DLC1: variants seen among roughly 807,000 people sequenced by gnomAD.
DLC1 encodes the protein rho GTPase-activating protein 7.
A neutral mutation model predicts 140.3 loss-of-function variants in DLC1; 54 were observed. That is an observed-to-expected ratio of 0.38 (90% CI 0.31 to 0.48). The LOEUF (loss-of-function observed/expected upper bound fraction) is 0.48, where lower values mean the gene tolerates loss of function less well. DLC1 is among the 20% of genes least tolerant of loss of function. The probability of loss-of-function intolerance (pLI) is 0.96; values close to 1 mark genes in which losing one functional copy is unlikely to be tolerated. For synonymous variants in DLC1, 986 were observed against 728.1 expected (o/e 1.35, Z -5.70); for missense variants, 2,536 against 1,907.0 (o/e 1.33, Z -6.14).
chr8:13,245,898 C>T (rs1422298842), intron 5 of DLC1, among the ~76,000 whole-genome samples: 2 of 152,008 alleles, frequency 1.3e-5, no homozygotes. Context: ...GATGCAGTTT[C>T]ACCATGTTGG....
At chr8:13,518,057 A>G (rs73210015), upstream of DLC1, among the ~76,000 whole-genome samples, 9,323 of 152,164 alleles carry the variant, frequency 0.061, 857 homozygotes, top group East Asian at 0.4. Context: ...GGAAAGAAGA[A>G]TAGCAGGAGG....
intron 10 of DLC1, chr8:13,095,869 C>T (rs1217991623): frequency 2.0e-5 from 3 of 152,446 alleles, no homozygotes; most frequent in South Asian, 4.1e-4. Flanking sequence ...CAGAGCTCAA[C>T]AGTGAATGAC....
chr8:13,415,460 C>T (rs1047840339), intron 2 of DLC1, among the ~76,000 whole-genome samples: 4 of 149,758 alleles, frequency 2.7e-5, no homozygotes, highest in African/African-American at 7.4e-5. Context: ...AGTGTAGTAG[C>T]GCGACCATGG....
At chr8:13,103,839 CAAAAAAAAA>C (rs1002564334) in intron 7 of DLC1, among the ~76,000 whole-genome samples, 40 of 60,808 alleles carry the variant, frequency 6.6e-4, no homozygotes, top group African/African-American at 2.0e-3. Context: ...GACTCCATCT[CAAAAAAAAA>C]AAAAAAAAAA....
chr8:13,109,548 C>T (rs959039051), intron 7 of DLC1, among the ~76,000 whole-genome samples: 2 of 146,674 alleles, frequency 1.4e-5, no homozygotes, highest in African/African-American at 5.0e-5. Context: ...CAGAGTGAGA[C>T]CTTGTCTTTA....
intron 4 of DLC1, among the ~76,000 whole-genome samples, chr8:13,377,866 G>T (rs1836072467): frequency 6.6e-6 from 1 of 151,490 alleles, no homozygotes; most frequent in Admixed American, 6.6e-5. Flanking sequence ...TTTGTGAAGT[G>T]ATATAATTTG....
intron 2 of DLC1, among the ~76,000 whole-genome samples, chr8:13,450,679 A>G (rs912883983): frequency 6.6e-6 from 1 of 152,148 alleles, no homozygotes; most frequent in South Asian, 2.1e-4. Flanking sequence ...AAAAGTTTTC[A>G]TGAATAAGTC....
intron 1 of DLC1, among the ~76,000 whole-genome samples, chr8:13,586,250 G>A (rs376450011): frequency 8.5e-5 from 13 of 152,074 alleles, no homozygotes; most frequent in African/African-American, 2.7e-4. Flanking sequence ...ATTTGGATAT[G>A]GTTTCATTAA....
At chr8:13,592,587 G>A (rs989571738) in intron 1 of DLC1, among the ~76,000 whole-genome samples, 5 of 151,718 alleles carry the variant, frequency 3.3e-5, no homozygotes, top group African/African-American at 1.2e-4. Flanking sequence ...ACATATTTTG[G>A]TGACTGAGCA....
intron 4 of DLC1, among the ~76,000 whole-genome samples, chr8:13,373,072 G>A (rs985972064): frequency 7.9e-5 from 12 of 152,124 alleles, no homozygotes; most frequent in Admixed American, 3.9e-4. Flanking sequence ...CTAGAGTGCC[G>A]TGGTGCGATC....
At chr8:13,477,413 C>G (rs908875296) in intron 2 of DLC1, among the ~76,000 whole-genome samples, 12 of 152,130 alleles carry the variant, frequency 7.9e-5, no homozygotes, top group Non-Finnish European at 1.5e-4. Flanking sequence ...AGACCAGGAG[C>G]ACGGATGTAC....
At chr8:13,160,706 G>A (rs180870790) in intron 5 of DLC1, among the ~76,000 whole-genome samples, 5 of 152,260 alleles carry the variant, frequency 3.3e-5, no homozygotes, top group South Asian at 2.1e-4. Context: ...GATTAGGGAC[G>A]GCAGGGAGCA....
At chr8:13,322,927 T>C (rs1192348523) in intron 4 of DLC1, among the ~76,000 whole-genome samples, 17 of 152,154 alleles carry the variant, frequency 1.1e-4, no homozygotes, top group Admixed American at 1.1e-3. Flanking sequence ...TCTTGCACTG[T>C]CTTTTGGAAG....
At chr8:13,301,411 A>G (rs1328521415) in intron 5 of DLC1, among the ~76,000 whole-genome samples, 2 of 152,218 alleles carry the variant, frequency 1.3e-5, no homozygotes, top group African/African-American at 4.8e-5. Context: ...CAAGGACATC[A>G]GTGATGCAGC....
At chr8:13,118,338 G>C (rs1820754011) in intron 5 of DLC1, among the ~76,000 whole-genome samples, 1 of 152,122 alleles carries the variant, frequency 6.6e-6, no homozygotes, top group Non-Finnish European at 1.5e-5. Context: ...TTAATTAACA[G>C]TTTATACAAT....
chr8:13,157,834 C>A (rs1181092376), intron 5 of DLC1, among the ~76,000 whole-genome samples: 1 of 152,180 alleles, frequency 6.6e-6, no homozygotes, highest in Non-Finnish European at 1.5e-5. Flanking sequence ...TCCACTAGGG[C>A]AATTGACGTT....
At chr8:13,125,377 C>A (rs759764107) in intron 5 of DLC1, among the ~76,000 whole-genome samples, 1 of 152,240 alleles carries the variant, frequency 6.6e-6, no homozygotes, top group Non-Finnish European at 1.5e-5. Flanking sequence ...CTGTGCGTGT[C>A]TATAGCCCTC....
chr8:13,205,684 A>G (rs954502037), intron 5 of DLC1, among the ~76,000 whole-genome samples: 8 of 152,226 alleles, frequency 5.3e-5, no homozygotes, highest in Non-Finnish European at 1.0e-4. Flanking sequence ...CTGCATTCAA[A>G]GCTGTCTTGG....
chr8:13,202,350 T>C (rs1827434099), intron 5 of DLC1, among the ~76,000 whole-genome samples: 1 of 152,228 alleles, frequency 6.6e-6, no homozygotes, highest in African/African-American at 2.4e-5. Flanking sequence ...GATACATACG[T>C]ACATTGTATA....
Sources: allele counts gnomAD v4.1 joint callset (sites outside exome capture counted in the v4.1 genomes callset), GRCh38; gene constraint gnomAD v4.1.1; transcripts MANE v1.5; gene names NCBI Gene and HGNC (gene_info 2026-07-23, HGNC 2026-07-21).